Variants in ENPEP observed in about 807,000 individuals in gnomAD.
The protein encoded by ENPEP is AP-A.
Under a neutral mutation model 114.5 loss-of-function variants are expected in ENPEP, and 103 were observed. The observed-to-expected ratio is 0.90, with a 90% CI of 0.77 to 1.06. The LOEUF (loss-of-function observed/expected upper bound fraction) is 1.06. Among genes scored for constraint, ENPEP ranks in the 50% least tolerant of loss-of-function variants. The pLI, the probability that ENPEP is intolerant of heterozygous loss-of-function variation, is 0.00. For synonymous variants in ENPEP, 420 were observed against 422.0 expected, an observed-to-expected ratio of 1.00 and a Z score of 0.06; for missense variants, 1,196 against 1,161.3, an observed-to-expected ratio of 1.03 and a Z score of -0.43.
intron 18 of ENPEP, among the ~76,000 whole-genome samples, 199 bp from the exon 19 acceptor site, chr4:110,559,448 T>C (rs1727606081): frequency 6.6e-6 from 1 of 152,124 alleles, no homozygotes; most frequent in South Asian, 2.1e-4. Flanking sequence ...TCAATTTGTC[T>C]ACCAAAAGAA....
At chr4:110,520,487 C>G in intron 10 of ENPEP, 121 bp downstream of exon 10, 2 of 1,028,336 alleles carry the variant, frequency 1.9e-6, no homozygotes, top group Non-Finnish European at 2.8e-6. Flanking sequence ...AGCCACAGTG[C>G]CTTTAGGGGA....
chr4:110,556,206 G>T (rs1328792028), intron 18 of ENPEP, among the ~76,000 whole-genome samples: 1 of 151,460 alleles, frequency 6.6e-6, no homozygotes, highest in Non-Finnish European at 1.5e-5. Context: ...TGTGAAACTG[G>T]TATGTGTTTT....
intron 3 of ENPEP, among the ~76,000 whole-genome samples, chr4:110,493,136 AAGGAC>A (rs1724790897): frequency 6.6e-6 from 1 of 152,208 alleles, no homozygotes; most frequent in Non-Finnish European, 1.5e-5. Flanking sequence ...TCCTCTGACC[AAGGAC>A]ATTTACTTGT....
rs2110407430 is a variant in ENPEP at position 110,562,449 on chromosome 4, T to TCA, written c.*892_*893dup. 2 of 152,246 alleles carry TCA rather than the reference T, an allele frequency of 1.3e-5. No individual in the cohort carries two copies. Among genetic ancestry groups the TCA allele is most frequent in the African/African-American group, 4.8e-5 (2 of 41,570 alleles). The allele number at this position is 152,246 out of a possible 1,614,324, so 9.4% of individuals were successfully genotyped here. A position where few individuals can be genotyped will look rare whatever the true frequency, so the allele number is the denominator to read the frequency against. ...AAAAAGCTAAATAATTGGAAACTGT[T>TCA]CAGGAAAGAGAGAAGGCAGATTATT... On this transcript the variant is annotated 3_prime_UTR_variant, in exon 20 of 20. Coordinates refer to ENST00000265162, the MANE Select transcript of ENPEP (RefSeq NM_001977.4).
At chr4:110,541,955 G>A (rs1490938726) in intron 11 of ENPEP, among the ~76,000 whole-genome samples, 1 of 152,104 alleles carries the variant, frequency 6.6e-6, no homozygotes, top group Non-Finnish European at 1.5e-5. Context: ...TAAAACATAA[G>A]TCTCTGCTCC....
chr4:110,541,460 G>T lies in ENPEP; in HGVS notation c.1808-1291G>T, dbSNP rs141102802. On this transcript the variant is annotated intron_variant, in intron 11 of 19. Coordinates refer to ENST00000265162, the MANE Select transcript of ENPEP (RefSeq NM_001977.4). ...TTTACCTGTGATAAGTCTCTTGAATGCATCAACTTCTTTCTAGTTTCATCA... is the reference window on the plus strand; with the variant it reads ...TTTACCTGTGATAAGTCTCTTGAATTCATCAACTTCTTTCTAGTTTCATCA... Among the ~76,000 whole-genome samples, 484 of 152,170 alleles carry T rather than the reference G, an allele frequency of 3.2e-3. 4 individuals carry two copies. The highest frequency in any genetic ancestry group is 0.011 in the African/African-American group (437 of 41,522).
intron 6 of ENPEP, chr4:110,512,462 T>G (rs1223766481): frequency 6.6e-6 from 1 of 152,206 alleles, no homozygotes; most frequent in Non-Finnish European, 1.5e-5. Flanking sequence ...CAAAATTATC[T>G]TGATTGGCAG....
chr4:110,548,641 T>A (rs1727169475), intron 14 of ENPEP, among the ~76,000 whole-genome samples: 1 of 152,102 alleles, frequency 6.6e-6, no homozygotes, highest in African/African-American at 2.4e-5. Context: ...AGATCTTTTT[T>A]AAAATGGACT....
chr4:110,536,624 G>T (rs1726640315), intron 11 of ENPEP, among the ~76,000 whole-genome samples: 1 of 152,138 alleles, frequency 6.6e-6, no homozygotes, highest in Non-Finnish European at 1.5e-5. Context: ...TTTTCTGTAG[G>T]ACCAGACCTG....
At chr4:110,529,902 C>T (rs987423305) in intron 10 of ENPEP, among the ~76,000 whole-genome samples, 4 of 141,054 alleles carry the variant, frequency 2.8e-5, no homozygotes, top group Non-Finnish European at 4.7e-5. Flanking sequence ...AGTGAAACCC[C>T]GTCTCTACTA....
chr4:110,492,951 T>G (rs1724784674), intron 3 of ENPEP, among the ~76,000 whole-genome samples: 1 of 152,226 alleles, frequency 6.6e-6, no homozygotes, highest in Non-Finnish European at 1.5e-5. Context: ...CAAATTTTTC[T>G]ATTTGAGGTA....
chr4:110,552,969 A>G (rs1417513098), intron 17 of ENPEP, among the ~76,000 whole-genome samples: 2 of 152,136 alleles, frequency 1.3e-5, no homozygotes, highest in Non-Finnish European at 2.9e-5. Flanking sequence ...ACTCTATTCA[A>G]TAAATGCTGT....
chr4:110,558,291 TATAA>T lies in ENPEP; in HGVS notation c.2643-1353_2643-1350del, dbSNP rs1176376759. Among the ~76,000 whole-genome samples the T allele has an allele frequency of 4.8e-5, 6 of 125,988 alleles. No homozygotes were observed. The East Asian group carries it at 1.4e-3, about 30-fold the overall frequency. The allele number at this position is 125,988 out of a possible 152,430, so 82.7% of individuals were successfully genotyped here. A position where few individuals can be genotyped will look rare whatever the true frequency, so the allele number is the denominator to read the frequency against. ...AAAATTATATATATATATATATATA[TATAA>T]ATTTTTTTTTGAGACAAGGTCTCAC... On this transcript the variant is annotated intron_variant, in intron 18 of 19. Coordinates refer to ENST00000265162, the MANE Select transcript of ENPEP (RefSeq NM_001977.4).
At chr4:110,546,630 A>G (rs1022437341) in intron 13 of ENPEP, among the ~76,000 whole-genome samples, 2 of 152,056 alleles carry the variant, frequency 1.3e-5, no homozygotes, top group African/African-American at 4.8e-5. Flanking sequence ...AAGAACCAGC[A>G]GGTGAACATC....
At chr4:110,496,528 T>G (rs1724944362) in intron 3 of ENPEP, among the ~76,000 whole-genome samples, 1 of 152,226 alleles carries the variant, frequency 6.6e-6, no homozygotes, top group Non-Finnish European at 1.5e-5. Context: ...TACTTGGATT[T>G]CACCAGTTTT....
intron 4 of ENPEP, among the ~76,000 whole-genome samples, chr4:110,509,265 G>C (rs1037318903): frequency 2.6e-5 from 4 of 152,196 alleles, no homozygotes; most frequent in African/African-American, 9.6e-5. Flanking sequence ...ATGGAAAACT[G>C]TATCTATACA....
At chr4:110,533,011 T>G in intron 11 of ENPEP, 1 of 416,458 alleles carries the variant, frequency 2.4e-6, no homozygotes, top group Non-Finnish European at 4.8e-6. Context: ...AATAAGAACG[T>G]TAGAATTCCA....
intron 2 of ENPEP, among the ~76,000 whole-genome samples, chr4:110,489,750 C>T (rs1175424274): frequency 1.3e-5 from 2 of 152,148 alleles, no homozygotes; most frequent in Non-Finnish European, 2.9e-5. Context: ...ATACTTTACA[C>T]ATTCGACATG....
At chr4:110,551,434 T>C (rs1286362074) in intron 17 of ENPEP, among the ~76,000 whole-genome samples, 1 of 152,134 alleles carries the variant, frequency 6.6e-6, no homozygotes, top group Non-Finnish European at 1.5e-5. Flanking sequence ...CACATTTGAG[T>C]GTGTTACTTT....
Sources: gnomAD v4.1 joint callset for allele counts (sites outside exome capture counted in the v4.1 genomes callset) on GRCh38, gnomAD v4.1.1 for gene constraint, MANE v1.5 for transcripts, NCBI Gene and HGNC (gene_info 2026-07-23, HGNC 2026-07-21) for gene names.